The following GRIK1 variants were observed in gnomAD, a reference collection of about 807,000 sequenced individuals.
The protein encoded by GRIK1 is glutamate ionotropic receptor kainate type subunit 1.
A neutral mutation model predicts 105.7 loss-of-function variants in GRIK1; 69 were observed. That is an observed-to-expected ratio of 0.65 (90% CI 0.54 to 0.80). The LOEUF is 0.80. Among genes scored for constraint, GRIK1 ranks in the 30% least tolerant of loss-of-function variants. The pLI is 0.00. For synonymous variants in GRIK1, 438 were observed against 431.3 expected (o/e 1.02, Z -0.19); for missense variants, 1,109 against 1,167.3 (o/e 0.95, Z 0.73).
chr21:29,698,316 A>G (rs1026916487), intron 1 of GRIK1, among the ~76,000 whole-genome samples: 1 of 152,190 alleles, frequency 6.6e-6, no homozygotes, highest in Non-Finnish European at 1.5e-5. Flanking sequence ...GGGTTAGGAA[A>G]TTGAAATAAA....
intron 1 of GRIK1, among the ~76,000 whole-genome samples, chr21:29,719,179 T>A (rs1009937400): frequency 6.6e-6 from 1 of 150,718 alleles, no homozygotes; most frequent in Non-Finnish European, 1.5e-5. Flanking sequence ...TGTACTACTT[T>A]ATATATAATT....
At chr21:29,855,395 T>C (rs2068433508) in intron 1 of GRIK1, among the ~76,000 whole-genome samples, 1 of 152,196 alleles carries the variant, frequency 6.6e-6, no homozygotes, top group Non-Finnish European at 1.5e-5. Context: ...AAGAGTGATA[T>C]TTAAGCTGAG....
intron 1 of GRIK1, among the ~76,000 whole-genome samples, chr21:29,813,654 A>G (rs1469233918): frequency 6.6e-6 from 1 of 152,196 alleles, no homozygotes. Context: ...AAAGAATGGG[A>G]CATTCAATAT....
chr21:29,878,606 A>G (rs750002548), intron 1 of GRIK1, among the ~76,000 whole-genome samples: 19 of 152,114 alleles, frequency 1.2e-4, no homozygotes, highest in Non-Finnish European at 2.6e-4. Flanking sequence ...CACTAATGTA[A>G]TATTATTAGG....
intron 14 of GRIK1, among the ~76,000 whole-genome samples, chr21:29,570,065 G>A (rs970708018): frequency 1.3e-5 from 2 of 152,102 alleles, no homozygotes; most frequent in African/African-American, 4.8e-5. Flanking sequence ...TGGGAGCGAA[G>A]GAAATCCTGT....
intron 7 of GRIK1, among the ~76,000 whole-genome samples, chr21:29,615,906 A>G (rs1206042040): frequency 6.6e-6 from 1 of 152,156 alleles, no homozygotes; most frequent in Non-Finnish European, 1.5e-5. Context: ...TGGGAAAATC[A>G]GTTTACCCCA....
At chr21:29,892,661 A>T (rs748846408) in intron 1 of GRIK1, among the ~76,000 whole-genome samples, 2 of 152,202 alleles carry the variant, frequency 1.3e-5, no homozygotes, top group African/African-American at 2.4e-5. Context: ...CAGGATCCAC[A>T]AGCTGGAGCA....
At chr21:29,802,711 G>T (rs1023503857) in intron 1 of GRIK1, among the ~76,000 whole-genome samples, 1 of 152,118 alleles carries the variant, frequency 6.6e-6, no homozygotes, top group Non-Finnish European at 1.5e-5. Context: ...AAACCCGAAA[G>T]AATCTCTCCT....
At chr21:29,729,947 T>C (rs2064570888) in intron 1 of GRIK1, among the ~76,000 whole-genome samples, 1 of 152,166 alleles carries the variant, frequency 6.6e-6, no homozygotes, top group Non-Finnish European at 1.5e-5. Flanking sequence ...ACTTCTAATC[T>C]CTCCCTGGAT....
chr21:29,554,972 C>T, intron 16 of GRIK1, 80 bp downstream of exon 16: 2 of 1,223,614 alleles, frequency 1.6e-6, no homozygotes, highest in Non-Finnish European at 1.2e-6. Context: ...TGAAAAAGAG[C>T]AAACATCCTT....
At chr21:29,927,445 G>A (rs534761453) in intron 1 of GRIK1, among the ~76,000 whole-genome samples, 1 of 150,214 alleles carries the variant, frequency 6.7e-6, no homozygotes, top group East Asian at 1.9e-4. Flanking sequence ...TTGGGCTGTA[G>A]TGTGTATAAT....
chr21:29,784,688 C>T (rs1477324840), intron 1 of GRIK1, among the ~76,000 whole-genome samples: 2 of 152,054 alleles, frequency 1.3e-5, no homozygotes, highest in African/African-American at 4.8e-5. Context: ...TATAGACTTA[C>T]CATTGTTTAA....
intron 1 of GRIK1, among the ~76,000 whole-genome samples, chr21:29,695,250 T>G (rs1382845705): frequency 6.6e-6 from 1 of 152,186 alleles, no homozygotes; most frequent in Non-Finnish European, 1.5e-5. Context: ...AGATGTTTTC[T>G]GAGAGACGTC....
intron 9 of GRIK1, among the ~76,000 whole-genome samples, chr21:29,593,979 T>C (rs2061366910): frequency 6.6e-6 from 1 of 152,212 alleles, no homozygotes; most frequent in Non-Finnish European, 1.5e-5. Context: ...CAGTTTAAAC[T>C]TTCCTTCTTA....
intron 1 of GRIK1, among the ~76,000 whole-genome samples, chr21:29,880,816 G>T (rs2069379929): frequency 6.6e-6 from 1 of 152,092 alleles, no homozygotes; most frequent in South Asian, 2.1e-4. Context: ...CATGAGCTCA[G>T]GCCCAACCAT....
chr21:29,857,505 AATGAAAAC>A (rs2068499770), intron 1 of GRIK1, among the ~76,000 whole-genome samples: 1 of 152,232 alleles, frequency 6.6e-6, no homozygotes, highest in Non-Finnish European at 1.5e-5. Flanking sequence ...GGGAAATAAC[AATGAAAAC>A]AGTGAGTTAA....
rs55884653 is a variant in GRIK1, at chr21:29,620,808, T to TATATATATAG, written c.1099-21872_1099-21871insCTATATATAT. On this transcript the variant is annotated intron_variant, in intron 7 of 17. Transcript: ENST00000327783. ...ATATATATATCTATATATATATAGA[T>TATATATATAG]ATATATATATAGTAATAATATATTA... 1.3e-3 allele frequency among the ~76,000 whole-genome samples: 164 copies of TATATATATAG among 122,526 alleles called. 4 individuals carry two copies. The highest frequency in any genetic ancestry group is 2.1e-3 in the Non-Finnish European group (132 of 61,996). 80.4% of individuals were successfully genotyped at this position (122,526 alleles called of 152,430 possible).
At chr21:29,865,967 C>G (rs2068788176) in intron 1 of GRIK1, among the ~76,000 whole-genome samples, 1 of 152,136 alleles carries the variant, frequency 6.6e-6, no homozygotes, top group Admixed American at 6.5e-5. Context: ...TACTTGCATG[C>G]AATGCCCTGG....
intron 4 of GRIK1, among the ~76,000 whole-genome samples, chr21:29,667,515 T>C (rs1406074097): frequency 6.6e-6 from 1 of 152,158 alleles, no homozygotes; most frequent in Non-Finnish European, 1.5e-5. Flanking sequence ...GAAAATGCAA[T>C]ATAGCTGTAC....
Sources: gnomAD v4.1 joint callset for allele counts (sites outside exome capture counted in the v4.1 genomes callset) on GRCh38, gnomAD v4.1.1 for gene constraint, MANE v1.5 for transcripts, NCBI Gene and HGNC (gene_info 2026-07-23, HGNC 2026-07-21) for gene names.